Variants in PMFBP1 observed in about 807,000 individuals in gnomAD.
The protein encoded by PMFBP1 is polyamine-modulated factor 1-binding protein 1.
PMFBP1 carries 131 observed loss-of-function variants against 137.8 expected under a neutral mutation model. The ratio of observed to expected loss-of-function variants is 0.95; its 90% CI spans 0.82 to 1.10. PMFBP1 has a LOEUF of 1.10. Ranked by LOEUF, PMFBP1 falls within the 50% of genes least tolerant of loss-of-function variation. The pLI is 0.00. For synonymous variants in PMFBP1, 490 were observed against 450.4 expected, an observed-to-expected ratio of 1.09 and a Z score of -1.11; for missense variants, 1,199 against 1,175.4, an observed-to-expected ratio of 1.02 and a Z score of -0.29.
At chr16:72,232,731 G>T in the PMFBP1 span, among the ~76,000 whole-genome samples, 1 of 152,170 alleles carries the variant, frequency 6.6e-6, no homozygotes. Flanking sequence ...GGACTGACAT[G>T]AAGAGGTTGG....
At chr16:72,210,966 C>T in the PMFBP1 span, among the ~76,000 whole-genome samples, 2 of 152,210 alleles carry the variant, frequency 1.3e-5, no homozygotes, top group African/African-American at 2.4e-5. Context: ...AAATAGTCCC[C>T]TGCCAAGTGG....
At chr16:72,220,798 C>T in the PMFBP1 span, among the ~76,000 whole-genome samples, 24 of 152,314 alleles carry the variant, frequency 1.6e-4, no homozygotes, top group East Asian at 3.9e-3. Flanking sequence ...GGACCCAGGG[C>T]TCTGAACAAA....
the PMFBP1 span, among the ~76,000 whole-genome samples, chr16:72,200,332 T>A: frequency 6.6e-6 from 1 of 152,236 alleles, no homozygotes; most frequent in African/African-American, 2.4e-5. Flanking sequence ...CTAATCAAAA[T>A]TGGTTTGATT....
chr16:72,151,439 CAA>C (rs1364936320), intron 4 of PMFBP1, among the ~76,000 whole-genome samples: 2 of 152,150 alleles, frequency 1.3e-5, no homozygotes, highest in Non-Finnish European at 2.9e-5. Context: ...GCTCACCCCT[CAA>C]AGAGTTTAAA....
At position 72,132,766 on chromosome 16, in the gene PMFBP1, G is replaced by A. The variant is rs2042567794; in HGVS notation, c.1429C>T (p.Gln477Ter). The change falls in exon 10 of 21, where the codon CAG (glutamine) becomes TAG (stop). Residue 477 changes from glutamine to a stop codon, truncating the protein, a stop_gained. Transcript: ENST00000237353. LOFTEE classifies it high-confidence loss of function. ...GCCTCACCAGCCAGCCTCTCCTGCTGCTTGGCCTCTTCGAGACTGTTCTTC... is the reference window on the plus strand; with the variant it reads ...GCCTCACCAGCCAGCCTCTCCTGCTACTTGGCCTCTTCGAGACTGTTCTTC... Reference protein sequence around the residue: ...KLKNSLEEAKQQERLAAQQAA... With the variant: ...KLKNSLEEAK The A allele has an allele frequency of 3.7e-6, 6 of 1,614,078 alleles. No individual in the cohort carries two copies. The highest frequency in any genetic ancestry group is 5.1e-6 in the Non-Finnish European group (6 of 1,180,044).
At chr16:72,174,588 C>T (rs1266707701), upstream of PMFBP1, among the ~76,000 whole-genome samples, 1 of 152,096 alleles carries the variant, frequency 6.6e-6, no homozygotes, top group African/African-American at 2.4e-5. Flanking sequence ...TGGAAATACC[C>T]GAAACTGGGT....
Position 72,119,159 on chromosome 16 carries a change from G to A in PMFBP1, c.*179C>T, listed in dbSNP as rs1376747373. 4.6e-6 allele frequency: 3 copies of A among 653,420 alleles called. No individual in the cohort carries two copies. Among genetic ancestry groups the A allele is most frequent in the African/African-American group, 3.7e-5 (2 of 54,516 alleles). 40.5% of individuals were successfully genotyped at this position (653,420 alleles called of 1,614,324 possible). On this transcript the variant is annotated 3_prime_UTR_variant, in exon 21 of 21. Transcript: ENST00000237353. ...CTGGAGATGGTAGTATGGTTCTAAA[G>A]CTCACTCCATGGCAGGAAGTGGACA...
At chr16:72,173,005 A>G (rs2043235451), upstream of PMFBP1, among the ~76,000 whole-genome samples, 1 of 152,200 alleles carries the variant, frequency 6.6e-6, no homozygotes, top group Non-Finnish European at 1.5e-5. Flanking sequence ...TGACTTCCAC[A>G]CTAGTCAAGC....
intron 3 of PMFBP1, among the ~76,000 whole-genome samples, chr16:72,160,921 T>G (rs1416705679): frequency 6.6e-6 from 1 of 152,302 alleles, no homozygotes; most frequent in East Asian, 1.9e-4. Flanking sequence ...TATTTGGCTT[T>G]TGAATCAGTT....
At chr16:72,190,388 T>C in the PMFBP1 span, among the ~76,000 whole-genome samples, 1 of 152,218 alleles carries the variant, frequency 6.6e-6, no homozygotes, top group African/African-American at 2.4e-5. Flanking sequence ...CCATGCTTGA[T>C]TTCTCTCACT....
chr16:72,139,940 G>A (rs1192907487), intron 6 of PMFBP1, among the ~76,000 whole-genome samples: 1 of 152,134 alleles, frequency 6.6e-6, no homozygotes, highest in African/African-American at 2.4e-5. Context: ...TAAGGGAGAG[G>A]ACAGTATTGA....
chr16:72,198,735 A>G, the PMFBP1 span, among the ~76,000 whole-genome samples: 1 of 152,020 alleles, frequency 6.6e-6, no homozygotes, highest in South Asian at 2.1e-4. Context: ...CCATCATAAT[A>G]AGGCAAACCC....
the PMFBP1 span, among the ~76,000 whole-genome samples, chr16:72,190,062 G>A: frequency 4.6e-5 from 7 of 152,152 alleles, no homozygotes; most frequent in Admixed American, 1.3e-4. Context: ...CACTAGCAAC[G>A]TTATCTATAG....
At chr16:72,218,876 C>T in the PMFBP1 span, among the ~76,000 whole-genome samples, 2 of 152,124 alleles carry the variant, frequency 1.3e-5, no homozygotes, top group East Asian at 1.9e-4. Flanking sequence ...AAAAGGGCAT[C>T]GCAGGCTTAG....
the PMFBP1 span, among the ~76,000 whole-genome samples, chr16:72,187,013 T>C: frequency 1.3e-5 from 2 of 151,090 alleles, no homozygotes; most frequent in African/African-American, 4.9e-5. Context: ...CTCAGGAGGC[T>C]GAGGCAGGAG....
chr16:72,124,345 A>G (rs2042421268), intron 17 of PMFBP1, among the ~76,000 whole-genome samples: 1 of 152,244 alleles, frequency 6.6e-6, no homozygotes, highest in Admixed American at 6.5e-5. Context: ...GCAAAGGCCC[A>G]GTGGCCACCT....
chr16:72,181,856 C>G (rs2043277354), upstream of PMFBP1, among the ~76,000 whole-genome samples: 1 of 152,184 alleles, frequency 6.6e-6, no homozygotes, highest in Non-Finnish European at 1.5e-5. Flanking sequence ...GCTGTGTTTA[C>G]ATTTCTGTTT....
chr16:72,248,367 T>C, the PMFBP1 span, among the ~76,000 whole-genome samples: 1 of 152,212 alleles, frequency 6.6e-6, no homozygotes, highest in Non-Finnish European at 1.5e-5. Flanking sequence ...AGCTGTCGCT[T>C]AAACTTACAA....
At chr16:72,160,706 C>T (rs1290779662) in intron 3 of PMFBP1, among the ~76,000 whole-genome samples, 1 of 151,930 alleles carries the variant, frequency 6.6e-6, no homozygotes, top group African/African-American at 2.4e-5. Flanking sequence ...GGACCAAAAC[C>T]CACAATAGAA....
Sources: allele counts gnomAD v4.1 joint callset (sites outside exome capture counted in the v4.1 genomes callset), GRCh38; gene constraint gnomAD v4.1.1; transcripts MANE v1.5; gene names NCBI Gene and HGNC (gene_info 2026-07-23, HGNC 2026-07-21).